The following GYPB variants were observed in gnomAD, a reference collection of about 807,000 sequenced individuals.
GYPB encodes glycophorin-B.
In GYPB, 13 loss-of-function variants were observed where a neutral mutation model predicts 15.3. That is an observed-to-expected ratio of 0.85 (90% confidence interval 0.55 to 1.35). GYPB has a LOEUF of 1.35. Among genes scored for constraint, GYPB ranks in the 40% most tolerant of loss-of-function variants. The pLI is 0.00. For synonymous variants in GYPB, 38 were observed against 36.9 expected, an observed-to-expected ratio of 1.03 and a Z score of -0.11; for missense variants, 131 against 108.3, an observed-to-expected ratio of 1.21 and a Z score of -0.93.
Position 144,001,302 on chromosome 4 carries a change from G to A in GYPB, c.38-19C>T, listed in dbSNP as rs776977191. On this transcript the variant is annotated intron_variant, in intron 1 of 4. Coordinates refer to ENST00000502664, the MANE Select transcript of GYPB (RefSeq NM_002100.6). ...ACAATTTCTGTATAAAATAGAAGTT[G>A]AGAAAGGGATTAAGAACGAGGTGAC... 1 of 1,612,752 alleles carries A rather than the reference G, an allele frequency of 6.2e-7. No homozygotes were observed. The highest frequency in any genetic ancestry group is 1.7e-5 in the Admixed American group (1 of 59,970).
intron 1 of GYPB, among the ~76,000 whole-genome samples, chr4:144,001,917 C>A (rs150155535): frequency 0.014 from 1,839 of 128,874 alleles, 108 homozygotes; most frequent in African/African-American, 0.051. Context: ...TGCAGTGAGC[C>A]GAGATCACGC....
chr4:144,018,740 T>C, intron 1 of GYPB, among the ~76,000 whole-genome samples: 1 of 151,336 alleles, frequency 6.6e-6, no homozygotes, highest in East Asian at 1.9e-4. Context: ...TTGTTTTTTT[T>C]CTTCCTATGT....
chr4:143,999,620 T>G lies in GYPB; in HGVS notation c.137-171A>C, dbSNP rs771545683. On this transcript the variant is annotated intron_variant, in intron 2 of 4. Transcript: ENST00000502664. ...ACATTTATGAGGTAATGTGTCAGTC[T>G]TACCATTAGTAATTTCAGTATCTAC... 4.0e-5 allele frequency among the ~76,000 whole-genome samples: 6 copies of G among 151,472 alleles called. No homozygotes were observed. In the East Asian group the frequency reaches 7.7e-4, roughly 19 times the overall value.
At chr4:144,013,370 AG>A (rs1246815050) in intron 1 of GYPB, among the ~76,000 whole-genome samples, 1 of 151,278 alleles carries the variant, frequency 6.6e-6, no homozygotes, top group Non-Finnish European at 1.5e-5. Flanking sequence ...GCGATTCCTT[AG>A]GGATCTAGAA....
At chr4:144,011,923 C>G (rs1164861846) in intron 1 of GYPB, among the ~76,000 whole-genome samples, 21 of 151,842 alleles carry the variant, frequency 1.4e-4, no homozygotes, top group African/African-American at 5.1e-4. Flanking sequence ...GATCTCTATT[C>G]TCAGTTGCCT....
intron 2 of GYPB, among the ~76,000 whole-genome samples, chr4:143,999,749 C>T (rs987537739): frequency 6.6e-6 from 1 of 151,324 alleles, no homozygotes. Context: ...TATTGACTTA[C>T]ACAAGAAGCA....
intron 1 of GYPB, among the ~76,000 whole-genome samples, chr4:144,007,289 C>T (rs1248068663): frequency 5.9e-5 from 9 of 151,774 alleles, no homozygotes; most frequent in African/African-American, 2.2e-4. Flanking sequence ...TTAACTGGTG[C>T]AGTTAGTGTG....
chr4:144,016,122 C>T (rs1365134247), intron 1 of GYPB, among the ~76,000 whole-genome samples: 1 of 110,024 alleles, frequency 9.1e-6, no homozygotes, highest in Non-Finnish European at 1.7e-5. Flanking sequence ...GCTAGCAAGG[C>T]TCTCTTCTTG....
chr4:143,997,606 CA>C lies in GYPB; in HGVS notation c.203del (p.Leu68CysfsTer3), dbSNP rs759591961. ...TTCCAATAATACCAGCCATCACACACAAAATAATGAGTATTATCACTACAGG... is the reference window on the plus strand; with the variant it reads ...TTCCAATAATACCAGCCATCACACACAAATAATGAGTATTATCACTACAGG... ...PAPVVIILII[L>X]CVMAGIIGTI... is the part of the protein sequence containing the mutation. On this transcript the variant is annotated frameshift_variant, in exon 4 of 5. Transcript: ENST00000502664. LOFTEE classifies it high-confidence loss of function. 2.5e-6 allele frequency: 4 copies of C among 1,591,186 alleles called. No individual in the cohort carries two copies.
At chr4:144,002,732 A>C (rs1219784415) in intron 1 of GYPB, 1 of 1,277,052 alleles carries the variant, frequency 7.8e-7, no homozygotes. Flanking sequence ...ATCTTCTCTG[A>C]CACCTCTCAT....
chr4:144,002,803 G>A (rs1053401122), intron 1 of GYPB: 1 of 559,082 alleles, frequency 1.8e-6, no homozygotes, highest in Non-Finnish European at 3.0e-6. Context: ...TAGGTAATCA[G>A]TTTACCTCCA....
At position 143,999,435 on chromosome 4, in the gene GYPB, G is replaced by A; in HGVS notation, c.151C>T (p.Leu51Phe). ...SSQTNGETGQLVHRFTVPAPV... is the reference protein window; with the variant it reads ...SSQTNGETGQFVHRFTVPAPV... ...CCTGGTACAGTGAAACGATGGACAAGTTGTCCCGTTTCTCCTATAAAGCAA... is the reference window on the plus strand; with the variant it reads ...CCTGGTACAGTGAAACGATGGACAAATTGTCCCGTTTCTCCTATAAAGCAA... Residue 51 changes from leucine to phenylalanine, a missense_variant, in exon 3 of 5, where the codon CTT (leucine) becomes TTT (phenylalanine). Coordinates refer to ENST00000502664, the MANE Select transcript of GYPB (RefSeq NM_002100.6). The A allele has an allele frequency of 1.3e-6, 2 of 1,538,982 alleles. No homozygotes were observed. Among genetic ancestry groups the A allele is most frequent in the Non-Finnish European group, 1.8e-6 (2 of 1,116,794 alleles).
chr4:144,006,722 CT>C, intron 1 of GYPB, among the ~76,000 whole-genome samples: 1 of 151,870 alleles, frequency 6.6e-6, no homozygotes. Flanking sequence ...TATGAAATGC[CT>C]TAAATAGTTT....
rs186312483 is a variant in GYPB, at chr4:143,999,129, A to T, written c.175+282T>A. The stretch of plus-strand genomic sequence containing the variant: ...TGCCATATTGCCCAGGCTGTTCTCA[A>T]ATTCCTGGGCTCAAGTGATTAGCCA... On this transcript the variant is annotated intron_variant, in intron 3 of 4. Transcript: ENST00000502664. The T allele has an allele frequency of 2.4e-5, 7 of 292,776 alleles. No homozygotes were observed. The Admixed American group carries it at 2.8e-4, about 12-fold the overall frequency. 18.1% of individuals were successfully genotyped at this position (292,776 alleles called of 1,614,324 possible).
rs1300631235 is a variant in GYPB at position 143,996,266 on chromosome 4, T to C, written c.*33A>G. On this transcript the variant is annotated 3_prime_UTR_variant, in exon 5 of 5. Coordinates refer to ENST00000502664, the MANE Select transcript of GYPB (RefSeq NM_002100.6). ...AGAGAACAGCAGGTGCAGCCGGTTC[T>C]AGGCAAGATCAGGCAGCATGCAGGC... 2.6e-6 allele frequency: 4 copies of C among 1,550,664 alleles called. No individual in the cohort carries two copies. Among genetic ancestry groups the C allele is most frequent in the Non-Finnish European group, 3.5e-6 (4 of 1,147,068 alleles).
intron 2 of GYPB, among the ~76,000 whole-genome samples, chr4:143,999,808 G>A (rs1215342590): frequency 2.0e-5 from 3 of 151,436 alleles, no homozygotes; most frequent in East Asian, 3.9e-4. Context: ...GGAGGCATAT[G>A]GAGCCATTAC....
intron 1 of GYPB, among the ~76,000 whole-genome samples, chr4:144,009,156 C>G (rs1728081509): frequency 6.6e-6 from 1 of 151,288 alleles, no homozygotes; most frequent in African/African-American, 2.5e-5. Flanking sequence ...CAAGGATAAG[C>G]TCATCAGTGT....
At chr4:143,995,500 G>T (rs1727276112), downstream of GYPB, among the ~76,000 whole-genome samples, 2 of 151,256 alleles carry the variant, frequency 1.3e-5, no homozygotes, top group South Asian at 4.1e-4. Flanking sequence ...TGGGACCCCA[G>T]GTCCTTTGGT....
chr4:144,014,830 A>T (rs1728408275), intron 1 of GYPB, among the ~76,000 whole-genome samples: 1 of 151,598 alleles, frequency 6.6e-6, no homozygotes, highest in African/African-American at 2.4e-5. Flanking sequence ...TAAATTGCTT[A>T]GAAAAGTGCA....
Sources: allele counts gnomAD v4.1 joint callset (sites outside exome capture counted in the v4.1 genomes callset), GRCh38; gene constraint gnomAD v4.1.1; transcripts MANE v1.5; gene names NCBI Gene and HGNC (gene_info 2026-07-23, HGNC 2026-07-21).